The following ADGRB3 variants were observed in gnomAD, a reference collection of about 807,000 sequenced individuals.
The protein encoded by ADGRB3 is brain-specific angiogenesis inhibitor 3.
A neutral mutation model predicts 193.4 loss-of-function variants in ADGRB3; 37 were observed. That is an observed-to-expected ratio of 0.19 (90% CI 0.15 to 0.25). The LOEUF (loss-of-function observed/expected upper bound fraction) is 0.25, where lower values mean the gene tolerates loss of function less well. Among genes scored for constraint, ADGRB3 ranks in the 10% least tolerant of loss-of-function variants. The probability of loss-of-function intolerance (pLI) is 1.00; values close to 1 mark genes in which losing one functional copy is unlikely to be tolerated. For synonymous variants in ADGRB3, 690 were observed against 644.2 expected (o/e 1.07, Z -1.08); for missense variants, 1,637 against 1,852.9 (o/e 0.88, Z 2.14).
At chr6:69,123,272 G>C (rs933330924) in intron 17 of ADGRB3, among the ~76,000 whole-genome samples, 2 of 152,068 alleles carry the variant, frequency 1.3e-5, no homozygotes, top group African/African-American at 4.8e-5. Context: ...CTAAATATTA[G>C]AGTTAGAAAC....
chr6:69,075,952 ATGTAC>A, intron 16 of ADGRB3, 38 bp from the exon 17 acceptor site: 1 of 1,439,956 alleles, frequency 6.9e-7, no homozygotes, highest in Non-Finnish European at 9.8e-7. Context: ...CTTTTTATAT[ATGTAC>A]TCAAGATATA....
chr6:68,808,476 A>G (rs1241309089), intron 3 of ADGRB3, among the ~76,000 whole-genome samples: 3 of 146,488 alleles, frequency 2.0e-5, no homozygotes, highest in Non-Finnish European at 4.5e-5. Context: ...TGTTTCAGTT[A>G]TTTTCAAATC....
intron 20 of ADGRB3, among the ~76,000 whole-genome samples, chr6:69,252,948 C>T (rs1310060288): frequency 5.9e-5 from 9 of 151,918 alleles, no homozygotes; most frequent in Non-Finnish European, 8.8e-5. Context: ...ATCTATGTCT[C>T]GAACAAAATT....
intron 17 of ADGRB3, among the ~76,000 whole-genome samples, chr6:69,169,915 A>C (rs1259643943): frequency 6.6e-6 from 1 of 152,100 alleles, no homozygotes; most frequent in African/African-American, 2.4e-5. Flanking sequence ...TTGGCTATCT[A>C]AGTGCAGAAA....
intron 17 of ADGRB3, among the ~76,000 whole-genome samples, chr6:69,107,915 G>A (rs148011513): frequency 2.6e-5 from 4 of 152,166 alleles, no homozygotes; most frequent in African/African-American, 9.6e-5. Context: ...GAGGGGGCAA[G>A]CGTTGAAAAA....
chr6:69,386,700 G>A (rs932340586), intron 31 of ADGRB3, among the ~76,000 whole-genome samples: 3 of 151,940 alleles, frequency 2.0e-5, no homozygotes, highest in African/African-American at 7.2e-5. Context: ...GTGTTCTTTG[G>A]ATTTTTACTT....
chr6:69,307,375 G>T (rs1162263853), intron 20 of ADGRB3, among the ~76,000 whole-genome samples: 1 of 151,580 alleles, frequency 6.6e-6, no homozygotes, highest in East Asian at 1.9e-4. Flanking sequence ...ATGTTTACGT[G>T]TTCCACATTA....
chr6:69,277,141 C>G (rs755356386), intron 20 of ADGRB3, among the ~76,000 whole-genome samples: 1 of 151,710 alleles, frequency 6.6e-6, no homozygotes, highest in South Asian at 2.1e-4. Context: ...ATTACAGGCA[C>G]GAGCCACCAT....
At chr6:69,224,463 GA>G (rs988711700) in intron 17 of ADGRB3, among the ~76,000 whole-genome samples, 1 of 151,934 alleles carries the variant, frequency 6.6e-6, no homozygotes. Flanking sequence ...TTTTTTTGAG[GA>G]AAAAATATAC....
At chr6:69,368,135 T>TAAAGTTTTATATTAA (rs1769620399) in intron 29 of ADGRB3, among the ~76,000 whole-genome samples, 1 of 151,972 alleles carries the variant, frequency 6.6e-6, no homozygotes, top group Non-Finnish European at 1.5e-5. Context: ...CCCTAAAACT[T>TAAAGTTTTATATTAA]AAAGTATAAT....
At position 68,772,769 on chromosome 6, in the gene ADGRB3, G is replaced by A. The variant is rs193232470; in HGVS notation, c.757+133337G>A. Among the ~76,000 whole-genome samples the A allele has an allele frequency of 1.2e-3, 180 of 150,518 alleles. 1 individual carries two copies. The highest frequency in any genetic ancestry group is 4.1e-3 in the African/African-American group (169 of 41,032). The stretch of plus-strand genomic sequence containing the variant: ...GTGGTAGTTCATGCCTGTAATTCCA[G>A]CACTTTGGAAGGCCGAGGTGGGCAC... On this transcript the variant is annotated intron_variant, in intron 3 of 31. Transcript: ENST00000370598.
chr6:68,677,513 CTTTTTTTCTTTTTTTTT>C (rs1769123715), intron 3 of ADGRB3, among the ~76,000 whole-genome samples: 1 of 128,192 alleles, frequency 7.8e-6, no homozygotes, highest in Non-Finnish European at 1.7e-5. Flanking sequence ...TCTTTTTTTT[CTTTTTTTCTTTTTTTTT>C]TTTTTTTTGA....
At chr6:69,130,220 C>G (rs1038519151) in intron 17 of ADGRB3, among the ~76,000 whole-genome samples, 4 of 151,904 alleles carry the variant, frequency 2.6e-5, no homozygotes, top group African/African-American at 9.7e-5. Context: ...GGGCACTGAT[C>G]CCAATTACAA....
chr6:68,903,696 T>C lies in ADGRB3; in HGVS notation c.758-26863T>C, dbSNP rs1766459344. Reference sequence around the variant, plus strand: ...TCTTAGACACAACCACCTCTGATGCTTTCTAATTACTAACCTTAAGAGAAA... The same window carrying C: ...TCTTAGACACAACCACCTCTGATGCCTTCTAATTACTAACCTTAAGAGAAA... On this transcript the variant is annotated intron_variant, in intron 3 of 31. Coordinates refer to ENST00000370598, the MANE Select transcript of ADGRB3 (RefSeq NM_001704.3). Among the ~76,000 whole-genome samples, 2 of 152,008 alleles carry C rather than the reference T, an allele frequency of 1.3e-5. 1 individual carries two copies. The highest frequency in any genetic ancestry group is 4.1e-4 in the South Asian group (2 of 4,830).
At chr6:69,357,165 G>A (rs371358821) in intron 28 of ADGRB3, among the ~76,000 whole-genome samples, 53 of 151,988 alleles carry the variant, frequency 3.5e-4, no homozygotes, top group East Asian at 9.7e-4. Context: ...TTAAATTATC[G>A]TGCTCAAATA....
At chr6:68,671,855 T>C (rs1768969844) in intron 3 of ADGRB3, among the ~76,000 whole-genome samples, 1 of 152,178 alleles carries the variant, frequency 6.6e-6, no homozygotes, top group South Asian at 2.1e-4. Context: ...AGGTCTTCTT[T>C]AAGTATTTGG....
chr6:69,255,722 C>G (rs1766750806), intron 20 of ADGRB3, among the ~76,000 whole-genome samples: 1 of 152,088 alleles, frequency 6.6e-6, no homozygotes, highest in Non-Finnish European at 1.5e-5. Context: ...TCCCATTTGT[C>G]AATTTTGGCT....
chr6:68,738,285 T>C (rs1410845140), intron 3 of ADGRB3, among the ~76,000 whole-genome samples: 1 of 152,110 alleles, frequency 6.6e-6, no homozygotes, highest in Non-Finnish European at 1.5e-5. Flanking sequence ...GAGAGAGCAC[T>C]TGTATTACCT....
At chr6:69,076,161 A>T in intron 17 of ADGRB3, 123 bp downstream of exon 17, 1 of 818,634 alleles carries the variant, frequency 1.2e-6, no homozygotes, top group Non-Finnish European at 2.0e-6. Context: ...AGAGAAAAAA[A>T]AATCCTCTTT....
Sources: allele counts gnomAD v4.1 joint callset (sites outside exome capture counted in the v4.1 genomes callset), GRCh38; gene constraint gnomAD v4.1.1; transcripts MANE v1.5; gene names NCBI Gene and HGNC (gene_info 2026-07-23, HGNC 2026-07-21).